Variants in DERL1 observed in about 807,000 individuals in gnomAD.
DERL1 encodes derlin 1.
In DERL1, 24 loss-of-function variants were observed where a neutral mutation model predicts 41.6. The ratio of observed to expected loss-of-function variants is 0.58; its 90% CI spans 0.42 to 0.81. The LOEUF (loss-of-function observed/expected upper bound fraction) is 0.81. DERL1 is among the 30% of genes least tolerant of loss of function. The pLI is 0.00. For synonymous variants in DERL1, 124 were observed against 112.5 expected, an observed-to-expected ratio of 1.10 and a Z score of -0.65; for missense variants, 260 against 314.3, an observed-to-expected ratio of 0.83 and a Z score of 1.31.
intron 6 of DERL1, among the ~76,000 whole-genome samples, chr8:123,020,966 C>CA (rs542307362): frequency 3.1e-3 from 258 of 82,740 alleles, no homozygotes; most frequent in Middle Eastern, 7.7e-3. Flanking sequence ...AACTTCGTCT[C>CA]AAAAAAAAAA....
intron 3 of DERL1, among the ~76,000 whole-genome samples, chr8:123,024,461 G>A (rs1015872692): frequency 6.6e-6 from 1 of 152,172 alleles, no homozygotes; most frequent in African/African-American, 2.4e-5. Flanking sequence ...CCATCTGTAA[G>A]AGTCCTGCAG....
At chr8:123,041,646 C>A (rs888383137) in intron 1 of DERL1, among the ~76,000 whole-genome samples, 1 of 152,252 alleles carries the variant, frequency 6.6e-6, no homozygotes, top group Non-Finnish European at 1.5e-5. Flanking sequence ...CGGACCTAAT[C>A]GCCAGCGTCC....
rs779363174 is a variant in DERL1, at chr8:123,021,285, A to G, written c.506+162T>C. Reference sequence around the variant, plus strand: ...AGGTTAAATATGCTTAAAGCCCTGCAATCTAATCAATTCAATCGAAGTGAA... The same window carrying G: ...AGGTTAAATATGCTTAAAGCCCTGCGATCTAATCAATTCAATCGAAGTGAA... On this transcript the variant is annotated intron_variant, in intron 6 of 7. Transcript: ENST00000259512. Among the ~76,000 whole-genome samples the G allele has an allele frequency of 7.9e-5, 12 of 152,370 alleles. No individual in the cohort carries two copies. In the East Asian group the frequency reaches 1.3e-3, roughly 17 times the overall value.
intron 1 of DERL1, among the ~76,000 whole-genome samples, chr8:123,035,856 GT>G (rs149391355): frequency 3.1e-4 from 46 of 147,242 alleles, no homozygotes; most frequent in East Asian, 9.9e-4. Flanking sequence ...AGAATCTAGT[GT>G]TTTTTTTTTT....
At chr8:123,025,488 CGTTAA>C (rs1179544797) in intron 2 of DERL1, 1 of 156,202 alleles carries the variant, frequency 6.4e-6, no homozygotes, top group African/African-American at 2.4e-5. Flanking sequence ...TCCACTAGAC[CGTTAA>C]GTTCTGTCAG....
At position 123,014,273 on chromosome 8, in the gene DERL1, AAC is replaced by A. The variant is rs1814494371; in HGVS notation, c.*1172_*1173del. ...AGCTTGTACATTCATGACTCAAAAT[AAC>A]ACACCCTCAAACCCAAATGATTCTA... is the stretch of plus-strand genomic sequence containing the variant. On this transcript the variant is annotated 3_prime_UTR_variant, in exon 8 of 8. Transcript: ENST00000259512. 1.3e-5 allele frequency: 2 copies of A among 152,778 alleles called. No individual in the cohort carries two copies. Among genetic ancestry groups the A allele is most frequent in the East Asian group, 1.9e-4 (1 of 5,178 alleles). 9.5% of individuals were successfully genotyped at this position (152,778 alleles called of 1,614,324 possible).
In DERL1 at chr8:123,025,302, C is replaced by T. The variant is rs75475623; in HGVS notation, c.266-252G>A. On this transcript the variant is annotated intron_variant, in intron 2 of 7. Transcript: ENST00000259512. ...TCCAGTAAGTGACATGCTCTGACTA[C>T]CACAGGCTAAAACAGACCCAGAGAA... is the stretch of plus-strand genomic sequence containing the variant. Among the ~76,000 whole-genome samples, 881 of 152,326 alleles carry T rather than the reference C, an allele frequency of 5.8e-3. 6 individuals carry two copies. Among genetic ancestry groups the T allele is most frequent in the African/African-American group, 0.02 (840 of 41,576 alleles).
At chr8:123,040,386 C>T (rs543530702) in intron 1 of DERL1, among the ~76,000 whole-genome samples, 1 of 152,192 alleles carries the variant, frequency 6.6e-6, no homozygotes, top group Non-Finnish European at 1.5e-5. Context: ...CGGTTATCTT[C>T]CTCAGGCAGA....
chr8:123,019,130 C>T (rs1186179514), intron 7 of DERL1, 65 bp downstream of exon 7: 2 of 1,106,964 alleles, frequency 1.8e-6, no homozygotes, highest in Non-Finnish European at 2.8e-6. Flanking sequence ...TCATGGAGCT[C>T]TCATTAGGAT....
chr8:123,035,152 C>G (rs1812898041), intron 1 of DERL1, among the ~76,000 whole-genome samples: 1 of 152,194 alleles, frequency 6.6e-6, no homozygotes, highest in Non-Finnish European at 1.5e-5. Context: ...TGACATAAGA[C>G]TATTTTTAGT....
At chr8:123,016,087 CTATGTTGGAAG>C (rs1427201848) in intron 7 of DERL1, 1 of 152,266 alleles carries the variant, frequency 6.6e-6, no homozygotes, top group African/African-American at 2.4e-5. Flanking sequence ...AGAAGGCTTT[CTATGTTGGAAG>C]TATGGGTATG....
chr8:123,037,444 T>C (rs1228573507), intron 1 of DERL1, among the ~76,000 whole-genome samples: 1 of 152,188 alleles, frequency 6.6e-6, no homozygotes, highest in Non-Finnish European at 1.5e-5. Context: ...GTTAATATGC[T>C]ATGATATTAT....
intron 7 of DERL1, 171 bp from the exon 8 acceptor site, chr8:123,015,756 T>A (rs1407434007): frequency 1.6e-5 from 11 of 700,660 alleles, no homozygotes; most frequent in Non-Finnish European, 2.2e-5. Context: ...CTCAGCCCCA[T>A]GACCTGACCA....
chr8:123,037,287 A>G (rs138949050), intron 1 of DERL1, among the ~76,000 whole-genome samples: 1,541 of 152,330 alleles, frequency 0.01, 16 homozygotes, highest in Non-Finnish European at 0.015. Context: ...TATTTCCTCA[A>G]TTTGAAGGTA....
chr8:123,019,090 CA>C, intron 7 of DERL1, 104 bp downstream of exon 7: 2 of 780,322 alleles, frequency 2.6e-6, no homozygotes, highest in Non-Finnish European at 4.4e-6. Flanking sequence ...GTTTCTCCAG[CA>C]GATGGGGCAT....
intron 1 of DERL1, among the ~76,000 whole-genome samples, chr8:123,038,107 G>T (rs529151383): frequency 6.6e-6 from 1 of 152,102 alleles, no homozygotes; most frequent in Non-Finnish European, 1.5e-5. Context: ...AAACCTCAGC[G>T]TTCTAAACCA....
At chr8:123,035,833 T>A (rs1362570757) in intron 1 of DERL1, among the ~76,000 whole-genome samples, 2 of 152,096 alleles carry the variant, frequency 1.3e-5, no homozygotes, top group South Asian at 2.1e-4. Context: ...GCTACTGAAA[T>A]AATTTGCCAT....
chr8:123,028,489 T>C (rs1206770720), intron 2 of DERL1, among the ~76,000 whole-genome samples: 1 of 152,110 alleles, frequency 6.6e-6, no homozygotes, highest in Non-Finnish European at 1.5e-5. Flanking sequence ...GCTTTGGCTT[T>C]TTTAGGGAAT....
At chr8:123,026,441 T>C (rs56849232) in intron 2 of DERL1, among the ~76,000 whole-genome samples, 10,610 of 152,218 alleles carry the variant, frequency 0.07, 363 homozygotes, top group Middle Eastern at 0.095. Flanking sequence ...TTAACTGGTT[T>C]CAAATTACAG....
Sources: gnomAD v4.1 joint callset for allele counts (sites outside exome capture counted in the v4.1 genomes callset) on GRCh38, gnomAD v4.1.1 for gene constraint, MANE v1.5 for transcripts, NCBI Gene and HGNC (gene_info 2026-07-23, HGNC 2026-07-21) for gene names.